KDM4A: variants seen among roughly 807,000 people sequenced by gnomAD.
The protein encoded by KDM4A is lysine demethylase 4A.
In KDM4A, 23 loss-of-function variants were observed where a neutral mutation model predicts 127.1. The ratio of observed to expected loss-of-function variants is 0.18; its 90% CI spans 0.13 to 0.26. KDM4A has a LOEUF of 0.26. KDM4A is among the 10% of genes least tolerant of loss of function. KDM4A has a pLI of 1.00. For synonymous variants in KDM4A, 443 were observed against 466.5 expected (o/e 0.95, Z 0.65); for missense variants, 890 against 1,329.1 (o/e 0.67, Z 5.14).
intron 11 of KDM4A, among the ~76,000 whole-genome samples, chr1:43,675,106 C>T (rs1474340696): frequency 6.6e-6 from 1 of 152,182 alleles, no homozygotes; most frequent in Non-Finnish European, 1.5e-5. Context: ...ATGTACTTTT[C>T]AGGCCGAGCC....
Position 43,694,003 on chromosome 1 carries a change from C to T in KDM4A, c.2385C>T (p.His795=), listed in dbSNP as rs762010223. 6.2e-6 allele frequency: 10 copies of T among 1,614,082 alleles called. No individual in the cohort carries two copies. The Admixed American group carries it at 6.7e-5, about 11-fold the overall frequency. Reference sequence around the variant, plus strand: ...CTTTGCCTTTTGGCAGGTGGGTCCACGTTTCATGTGCTGTGGCAATTCTGG... The same window carrying T: ...CTTTGCCTTTTGGCAGGTGGGTCCATGTTTCATGTGCTGTGGCAATTCTGG... The part of the protein sequence containing the change: ...LQRANDDRWV[H]VSCAVAILEA... The change falls in exon 17 of 22, where the codon CAC becomes CAT. Residue 795 remains histidine (H), a synonymous_variant. Coordinates refer to ENST00000372396, the MANE Select transcript of KDM4A (RefSeq NM_014663.3). This position sits in a 1 kb window ranked among gnomAD's most constrained non-coding sequence, Gnocchi z 5.2.
chr1:43,684,226 C>T (rs569456660), intron 12 of KDM4A, among the ~76,000 whole-genome samples: 12 of 152,056 alleles, frequency 7.9e-5, no homozygotes, highest in Non-Finnish European at 1.3e-4. Context: ...AAGAGGTGGC[C>T]GGGTGTGGTG....
intron 18 of KDM4A, among the ~76,000 whole-genome samples, chr1:43,696,347 G>A (rs991333613): frequency 6.6e-6 from 1 of 152,178 alleles, no homozygotes; most frequent in African/African-American, 2.4e-5. Context: ...TAGAAGAGGC[G>A]ATCATACAAG....
rs116133982 is a variant in KDM4A at position 43,670,541 on chromosome 1, C to T, written c.1364-964C>T. 9.7e-3 allele frequency among the ~76,000 whole-genome samples: 1,447 copies of T among 149,686 alleles called. 26 individuals carry two copies. The highest frequency in any genetic ancestry group is 0.035 in the African/African-American group (1,407 of 40,626). The stretch of plus-strand genomic sequence containing the variant: ...TCAAGTAGGTGGGACTACAGGCATA[C>T]ACCACGCCTGGCTAATTTTTTTTTT... On this transcript the variant is annotated intron_variant, in intron 10 of 21. Transcript: ENST00000372396.
chr1:43,674,810 A>G (rs1004624724), intron 11 of KDM4A, among the ~76,000 whole-genome samples: 2 of 151,888 alleles, frequency 1.3e-5, no homozygotes, highest in Non-Finnish European at 2.9e-5. Flanking sequence ...CGCCTGGCCT[A>G]CTCATTTACT....
intron 10 of KDM4A, 71 bp downstream of exon 10, chr1:43,669,370 G>A (rs1442572703): frequency 6.9e-7 from 1 of 1,454,286 alleles, no homozygotes; most frequent in East Asian, 2.3e-5. Flanking sequence ...GCCATATTGA[G>A]TGCTGGGTCA....
Position 43,705,292 on chromosome 1 carries a change from G to C in KDM4A, c.*922G>C, listed in dbSNP as rs959077662. The C allele has an allele frequency of 9.8e-6, 1 of 101,884 alleles. No homozygotes were observed. The highest frequency in any genetic ancestry group is 1.8e-5 in the Non-Finnish European group (1 of 55,038). The allele number at this position is 101,884 out of a possible 1,614,324, so 6.3% of individuals were successfully genotyped here. Reference sequence around the variant, plus strand: ...GGGAGGGAGCTGATTTTGGGGTGGGGGGTGGGACTAGAGGGCAATACTGAA... The same window carrying C: ...GGGAGGGAGCTGATTTTGGGGTGGGCGGTGGGACTAGAGGGCAATACTGAA... On this transcript the variant is annotated 3_prime_UTR_variant, in exon 22 of 22. Transcript: ENST00000372396.
Position 43,668,024 on chromosome 1 carries a change from C to T in KDM4A, c.1163+5C>T, listed in dbSNP as rs754205682. On this transcript the variant is annotated splice_donor_5th_base_variant and intron_variant, in intron 9 of 21. Coordinates refer to ENST00000372396, the MANE Select transcript of KDM4A (RefSeq NM_014663.3). ...GGAAGGAGACCTGAAGACAAGGTAA[C>T]CCAGCAGCCCTTTTGTCCTGGCTGC... 6.2e-7 allele frequency: 1 copy of T among 1,613,640 alleles called. No individual in the cohort carries two copies. Among genetic ancestry groups the T allele is most frequent in the Admixed American group, 1.7e-5 (1 of 60,010 alleles).
At chr1:43,691,655 A>G in intron 15 of KDM4A, 83 bp downstream of exon 15, 2 of 1,203,348 alleles carry the variant, frequency 1.7e-6, no homozygotes, top group Non-Finnish European at 2.5e-6. Flanking sequence ...TGGACTCAGT[A>G]TTCCCAGCAG....
chr1:43,675,900 C>G (rs1660730074), intron 11 of KDM4A, among the ~76,000 whole-genome samples: 1 of 151,600 alleles, frequency 6.6e-6, no homozygotes, highest in South Asian at 2.1e-4. Flanking sequence ...TGGCGAAACC[C>G]CATCTCTACT....
chr1:43,665,866 G>A lies in KDM4A; in HGVS notation c.673+121G>A, dbSNP rs140226415. On this transcript the variant is annotated intron_variant, in intron 6 of 21. Coordinates refer to ENST00000372396, the MANE Select transcript of KDM4A (RefSeq NM_014663.3). Reference sequence around the variant, plus strand: ...CAGGTCCTGTTGCAGGCCTGCAGACGGGGGTGAGCCACACTGGTTACCTTA... The same window carrying A: ...CAGGTCCTGTTGCAGGCCTGCAGACAGGGGTGAGCCACACTGGTTACCTTA... 1.1e-3 allele frequency: 1,078 copies of A among 967,942 alleles called. 4 individuals carry two copies. Among genetic ancestry groups the A allele is most frequent in the South Asian group, 2.6e-3 (193 of 73,580 alleles). The allele number at this position is 967,942 out of a possible 1,614,324, so 60.0% of individuals were successfully genotyped here. A position where few individuals can be genotyped will look rare whatever the true frequency, so the allele number is the denominator to read the frequency against.
At position 43,669,097 on chromosome 1, in the gene KDM4A, C is replaced by A; in HGVS notation, c.1164-3C>A. 2 of 1,614,182 alleles carry A rather than the reference C, an allele frequency of 1.2e-6. No individual in the cohort carries two copies. The highest frequency in any genetic ancestry group is 1.7e-6 in the Non-Finnish European group (2 of 1,180,022). On this transcript the variant is annotated splice_region_variant and splice_polypyrimidine_tract_variant and intron_variant, in intron 9 of 21. Coordinates refer to ENST00000372396, the MANE Select transcript of KDM4A (RefSeq NM_014663.3). ...CTTAAAAGATTTGCCCTCTCCCTTG[C>A]AGCCTGGCCAAGCACCGAATAGGGA...
chr1:43,685,073 G>A (rs1465267150), intron 12 of KDM4A, among the ~76,000 whole-genome samples: 3 of 152,100 alleles, frequency 2.0e-5, no homozygotes, highest in Non-Finnish European at 4.4e-5. Context: ...GGATACAATT[G>A]TTGGAATAAT....
intron 9 of KDM4A, among the ~76,000 whole-genome samples, chr1:43,668,783 T>G (rs1444134705): frequency 6.6e-6 from 1 of 152,320 alleles, no homozygotes; most frequent in Non-Finnish European, 1.5e-5. Context: ...CTGGGCCATA[T>G]GGGAAAGAAA....
intron 11 of KDM4A, among the ~76,000 whole-genome samples, chr1:43,680,755 T>G (rs765631007): frequency 6.6e-6 from 1 of 152,256 alleles, no homozygotes; most frequent in African/African-American, 2.4e-5. Flanking sequence ...GACAGACTCT[T>G]CTGCTTCCTT....
chr1:43,666,412 G>A (rs141072399), intron 6 of KDM4A, 40 bp from the exon 7 acceptor site: 2 of 1,524,648 alleles, frequency 1.3e-6, no homozygotes, highest in African/African-American at 2.7e-5. Context: ...CGGAGCTAGT[G>A]TGGAGCACTG....
chr1:43,695,135 GC>G (rs1193433200), intron 18 of KDM4A, among the ~76,000 whole-genome samples: 1 of 152,058 alleles, frequency 6.6e-6, no homozygotes. Flanking sequence ...TTACTTGTCT[GC>G]CTCTCCATCA....
Position 43,693,918 on chromosome 1 carries a change from T to A in KDM4A, c.2376-76T>A. 1 of 1,205,586 alleles carries A rather than the reference T, an allele frequency of 8.3e-7. No homozygotes were observed. The highest frequency in any genetic ancestry group is 2.6e-4 in the Middle Eastern group (1 of 3,780). 74.7% of individuals were successfully genotyped at this position (1,205,586 alleles called of 1,614,324 possible). On this transcript the variant is annotated intron_variant, in intron 16 of 21. Coordinates refer to ENST00000372396, the MANE Select transcript of KDM4A (RefSeq NM_014663.3). The surrounding 1 kb of genome is among the most constrained non-coding windows in gnomAD (Gnocchi z 4.2). ...GTCACCCAGGTGAGGGAGGAAGCGC[T>A]GTCAGCAGGCCCAAAAGAGAAGGCC...
Position 43,697,882 on chromosome 1 carries a change from A to G in KDM4A, c.2710A>G (p.Lys904Glu), listed in dbSNP as rs1557921306. ...CTTGCAAAGCATCACTGCAGGCCAG[A>G]AAGTCATTAGCAAGCATAAGAACGG... ...GALQSITAGQ[K>E]VISKHKNGRF... is the part of the protein sequence containing the mutation. The change falls in exon 19 of 22, where the codon AAA becomes GAA. Residue 904 changes from lysine (K) to glutamate (E), a missense_variant. Lys to Glu is a moderately conservative substitution (Grantham distance 56). This residue lies in a region of KDM4A where 246 missense variants were observed against 418.4 expected (regional missense o/e 0.59). Coordinates refer to ENST00000372396, the MANE Select transcript of KDM4A (RefSeq NM_014663.3). 2 of 1,613,544 alleles carry G rather than the reference A, an allele frequency of 1.2e-6. No individual in the cohort carries two copies. Among genetic ancestry groups the G allele is most frequent in the East Asian group, 2.2e-5 (1 of 44,824 alleles).
Sources: gnomAD v4.1 joint callset for allele counts (sites outside exome capture counted in the v4.1 genomes callset) on GRCh38, gnomAD v4.1.1 for gene constraint, gnomAD v4.1.1 regional missense constraint, Gnocchi (gnomAD v3.1) non-coding constraint, MANE v1.5 for transcripts, NCBI Gene and HGNC (gene_info 2026-07-23, HGNC 2026-07-21) for gene names.